ADGRL3: variants seen among roughly 807,000 people sequenced by gnomAD.
The protein encoded by ADGRL3 is adhesion G protein-coupled receptor L3, also known as calcium-independent alpha-latrotoxin receptor 3.
Under a neutral mutation model 153.5 loss-of-function variants are expected in ADGRL3, and 62 were observed. The observed-to-expected ratio is 0.40, with a 90% CI of 0.33 to 0.50. The LOEUF (loss-of-function observed/expected upper bound fraction) is 0.50. Among genes scored for constraint, ADGRL3 ranks in the 20% least tolerant of loss-of-function variants. The pLI, the probability that ADGRL3 is intolerant of heterozygous loss-of-function variation, is 0.47. For missense variants in ADGRL3, 1,641 were observed against 1,859.4 expected (o/e 0.88, Z 2.16); for synonymous variants, 710 against 672.5 (o/e 1.06, Z -0.86).
chr4:61,248,357 T>C (rs1375557947), intron 1 of ADGRL3, among the ~76,000 whole-genome samples: 7 of 152,270 alleles, frequency 4.6e-5, no homozygotes, highest in Non-Finnish European at 7.4e-5. Flanking sequence ...TTCCAAGTAT[T>C]GAGTCTGATT....
Position 61,694,176 on chromosome 4 carries a change from A to ATTTTTTTTTTTTTT in ADGRL3, c.583+17243_583+17244insTTTTTTTTTTTTTT, listed in dbSNP as rs2095592928. ...TCCTATACTATTTTAAAATTTTGTC[A>ATTTTTTTTTTTTTT]TTATTTTTTTTTTTTTTTTTTTTTT... is the stretch of plus-strand genomic sequence containing the variant. On this transcript the variant is annotated intron_variant, in intron 6 of 26. Transcript: ENST00000683033. Among the ~76,000 whole-genome samples the ATTTTTTTTTTTTTT allele has an allele frequency of 1.2e-4, 11 of 94,702 alleles. 3 individuals carry two copies. Among genetic ancestry groups the ATTTTTTTTTTTTTT allele is most frequent in the African/African-American group, 3.3e-4 (9 of 27,122 alleles). The allele number at this position is 94,702 out of a possible 152,430, so 62.1% of individuals were successfully genotyped here.
In ADGRL3 at chr4:61,253,179, C is replaced by T. The variant is rs375472953; in HGVS notation, c.-240+51414C>T. 3.3e-5 allele frequency among the ~76,000 whole-genome samples: 5 copies of T among 152,160 alleles called. No individual in the cohort carries two copies. In the East Asian group the frequency reaches 7.7e-4, roughly 23 times the overall value. ...TTTAGAAAATTGGTTGGAAGCTTTG[C>T]TCTTCCCCAGCTATCAAGAATTAAC... On this transcript the variant is annotated intron_variant, in intron 1 of 26. Coordinates refer to ENST00000683033, the MANE Select transcript of ADGRL3 (RefSeq NM_001387552.1).
intron 1 of ADGRL3, among the ~76,000 whole-genome samples, chr4:61,306,996 T>C (rs938226249): frequency 2.0e-5 from 3 of 152,152 alleles, no homozygotes; most frequent in Non-Finnish European, 4.4e-5. Flanking sequence ...AGAAGGAAAA[T>C]AATAATTGTT....
intron 1 of ADGRL3, among the ~76,000 whole-genome samples, chr4:61,331,194 C>T (rs1452474036): frequency 2.6e-5 from 4 of 152,086 alleles, no homozygotes; most frequent in Admixed American, 1.3e-4. Flanking sequence ...TTGTGCACAA[C>T]AAATTATAAC....
chr4:61,797,748 GT>G (rs2097432303), intron 8 of ADGRL3, among the ~76,000 whole-genome samples: 1 of 154 alleles, frequency 6.5e-3, no homozygotes, highest in Non-Finnish European at 0.019. Flanking sequence ...TTTCTAGATT[GT>G]TTCACTATCA....
chr4:61,359,165 C>A (rs535748991), intron 1 of ADGRL3, among the ~76,000 whole-genome samples: 47 of 152,272 alleles, frequency 3.1e-4, no homozygotes, highest in African/African-American at 1.1e-3. Flanking sequence ...CCTCTCACTG[C>A]TTATGCTGCT....
At chr4:61,479,805 T>C (rs2098112918) in intron 2 of ADGRL3, among the ~76,000 whole-genome samples, 1 of 152,118 alleles carries the variant, frequency 6.6e-6, no homozygotes. Context: ...TCTCTCTCTT[T>C]TTTTATTAGC....
At chr4:61,851,772 T>C (rs577172842) in intron 9 of ADGRL3, among the ~76,000 whole-genome samples, 2 of 152,276 alleles carry the variant, frequency 1.3e-5, no homozygotes, top group Non-Finnish European at 2.9e-5. Context: ...TGATGTCATG[T>C]AGAACAAACC....
chr4:61,644,604 G>T (rs1461400951), intron 5 of ADGRL3, among the ~76,000 whole-genome samples: 1 of 152,192 alleles, frequency 6.6e-6, no homozygotes, highest in South Asian at 2.1e-4. Context: ...TTTTGCGTGA[G>T]ATTCTTAATC....
intron 8 of ADGRL3, among the ~76,000 whole-genome samples, chr4:61,755,944 A>G (rs1238116135): frequency 2.0e-5 from 3 of 152,100 alleles, no homozygotes; most frequent in Admixed American, 6.5e-5. Context: ...ATGCGGCATT[A>G]TATCTGAGGG....
At chr4:61,945,807 G>T (rs938986546) in intron 15 of ADGRL3, among the ~76,000 whole-genome samples, 2 of 151,720 alleles carry the variant, frequency 1.3e-5, no homozygotes, top group Admixed American at 1.3e-4. Flanking sequence ...CGCACGGTGC[G>T]CACACACACT....
In ADGRL3 at chr4:62,078,248, A is replaced by G. The variant is rs1747775360; in HGVS notation, c.*7340A>G. On this transcript the variant is annotated 3_prime_UTR_variant, in exon 27 of 27. Transcript: ENST00000683033. ...TGGATATTTCCCTTGTACAACCTTT[A>G]CATCCTTTTTTTTTCCTTAAATGCT... The G allele has an allele frequency of 6.6e-6, 1 of 151,858 alleles. No individual in the cohort carries two copies. The allele number at this position is 151,858 out of a possible 1,614,324, so 9.4% of individuals were successfully genotyped here.
At chr4:61,471,040 A>T (rs932484971) in intron 2 of ADGRL3, among the ~76,000 whole-genome samples, 1 of 151,880 alleles carries the variant, frequency 6.6e-6, no homozygotes, top group Admixed American at 6.6e-5. Flanking sequence ...TCAACTAAAA[A>T]CATCCCTGAA....
At chr4:62,013,277 G>T (rs1263656525) in intron 21 of ADGRL3, among the ~76,000 whole-genome samples, 2 of 152,132 alleles carry the variant, frequency 1.3e-5, no homozygotes, top group Non-Finnish European at 2.9e-5. Flanking sequence ...GCTCACGCTT[G>T]TATTCCCAGC....
intron 25 of ADGRL3, among the ~76,000 whole-genome samples, chr4:62,048,320 T>C (rs768310454): frequency 6.6e-6 from 1 of 151,982 alleles, no homozygotes; most frequent in Non-Finnish European, 1.5e-5. Flanking sequence ...TGGAGTTCAG[T>C]GGCATGATCT....
At chr4:61,831,374 A>T (rs1373305985) in intron 9 of ADGRL3, among the ~76,000 whole-genome samples, 1 of 148,626 alleles carries the variant, frequency 6.7e-6, no homozygotes, top group Middle Eastern at 3.4e-3. Context: ...AACAGCTAAA[A>T]AACGTCATGA....
chr4:61,947,786 G>A (rs1241806545), intron 16 of ADGRL3, among the ~76,000 whole-genome samples: 1 of 152,130 alleles, frequency 6.6e-6, no homozygotes. Context: ...TCAGATGTTG[G>A]TTGTTAAGAG....
chr4:61,575,422 T>G (rs189316996), intron 4 of ADGRL3, among the ~76,000 whole-genome samples: 156 of 152,146 alleles, frequency 1.0e-3, no homozygotes, highest in Non-Finnish European at 2.0e-3. Context: ...CGGAGACAGG[T>G]GACCTATGGA....
At chr4:61,224,971 C>A (rs1040178223) in intron 1 of ADGRL3, among the ~76,000 whole-genome samples, 1 of 152,140 alleles carries the variant, frequency 6.6e-6, no homozygotes, top group Admixed American at 6.6e-5. Flanking sequence ...CTGCACGAAC[C>A]CTGAGCATTG....
Sources: allele counts gnomAD v4.1 joint callset (sites outside exome capture counted in the v4.1 genomes callset), GRCh38; gene constraint gnomAD v4.1.1; transcripts MANE v1.5; gene names NCBI Gene and HGNC (gene_info 2026-07-23, HGNC 2026-07-21).